PTPDC1: variants seen among roughly 807,000 people sequenced by gnomAD.
The protein encoded by PTPDC1 is protein tyrosine phosphatase domain-containing protein 1.
In PTPDC1, 53 loss-of-function variants were observed where a neutral mutation model predicts 75.3. That is an observed-to-expected ratio of 0.70 (90% CI 0.56 to 0.88). The LOEUF (loss-of-function observed/expected upper bound fraction) is 0.88, where lower values mean the gene tolerates loss of function less well. Ranked by LOEUF, PTPDC1 falls within the 40% of genes least tolerant of loss-of-function variation. The pLI, the probability that PTPDC1 is intolerant of heterozygous loss-of-function variation, is 0.00. For missense variants in PTPDC1, 925 were observed against 998.6 expected, an observed-to-expected ratio of 0.93 and a Z score of 0.99; for synonymous variants, 349 against 366.2, an observed-to-expected ratio of 0.95 and a Z score of 0.54.
Position 94,076,146 on chromosome 9 carries a change from G to A in PTPDC1, c.83-9105G>A, listed in dbSNP as rs1403906108. On this transcript the variant is annotated intron_variant, in intron 2 of 9. Coordinates refer to the PTPDC1 transcript ENST00000375360. Reference sequence around the variant, plus strand: ...CTCTCAAGTAGCTGGGATTACAAGCGCATGCTACCGCACCCAGCTAATTTT... The same window carrying A: ...CTCTCAAGTAGCTGGGATTACAAGCACATGCTACCGCACCCAGCTAATTTT... Among the ~76,000 whole-genome samples the A allele has an allele frequency of 4.6e-5, 7 of 152,122 alleles. No individual in the cohort carries two copies. The East Asian group carries it at 9.6e-4, about 21-fold the overall frequency.
chr9:94,061,343 A>C (rs1405000287), intron 1 of PTPDC1, among the ~76,000 whole-genome samples: 1 of 152,166 alleles, frequency 6.6e-6, no homozygotes, highest in Admixed American at 6.5e-5. Flanking sequence ...TTGAGTGCCT[A>C]TGGCTTTTCC....
At chr9:94,033,502 C>A (rs572651630) in intron 1 of PTPDC1, among the ~76,000 whole-genome samples, 1 of 152,228 alleles carries the variant, frequency 6.6e-6, no homozygotes, top group African/African-American at 2.4e-5. Context: ...CCAGTACTTT[C>A]TAGTTATGTG....
chr9:94,085,067 C>T (rs1352681578), intron 1 of PTPDC1, among the ~76,000 whole-genome samples, 184 bp from the exon 2 acceptor site: 2 of 152,074 alleles, frequency 1.3e-5, no homozygotes, highest in African/African-American at 2.4e-5. Context: ...TATGTGAAAG[C>T]TTTTTTACAT....
intron 2 of PTPDC1, among the ~76,000 whole-genome samples, chr9:94,075,205 T>A (rs78155627): frequency 6.6e-6 from 1 of 152,196 alleles, no homozygotes; most frequent in Middle Eastern, 3.4e-3. Context: ...CTTCTTCCAA[T>A]TGGGGTATGG....
intron 2 of PTPDC1, among the ~76,000 whole-genome samples, chr9:94,069,974 G>A (rs571558394): frequency 2.6e-5 from 4 of 151,886 alleles, no homozygotes; most frequent in African/African-American, 9.7e-5. Context: ...ACAGGCGCCC[G>A]CCACCACGCC....
chr9:94,080,994 C>CTTTTTTTTTTTTT (rs61391032), upstream of PTPDC1, among the ~76,000 whole-genome samples: 2 of 117,902 alleles, frequency 1.7e-5, no homozygotes, highest in African/African-American at 3.0e-5. Context: ...TTTTCTTTTT[C>CTTTTTTTTTTTTT]TTTTTTTTTT....
chr9:94,039,064 A>G (rs1825354813), intron 1 of PTPDC1, among the ~76,000 whole-genome samples: 1 of 152,226 alleles, frequency 6.6e-6, no homozygotes, highest in African/African-American at 2.4e-5. Context: ...GTCTTTAAAG[A>G]GCCATTCAGA....
At chr9:94,078,606 A>G (rs1449783967) in intron 2 of PTPDC1, among the ~76,000 whole-genome samples, 2 of 152,172 alleles carry the variant, frequency 1.3e-5, no homozygotes, top group Non-Finnish European at 2.9e-5. Context: ...ATAGTAGGGT[A>G]TATGTTGGTT....
chr9:94,106,441 G>A (rs1206984640), intron 8 of PTPDC1, among the ~76,000 whole-genome samples: 2 of 152,198 alleles, frequency 1.3e-5, no homozygotes, highest in African/African-American at 4.8e-5. Flanking sequence ...CTAAGCTTGG[G>A]GCTCCTCAGC....
intron 2 of PTPDC1, among the ~76,000 whole-genome samples, chr9:94,074,848 C>T (rs1826632311): frequency 6.6e-6 from 1 of 152,188 alleles, no homozygotes; most frequent in South Asian, 2.1e-4. Context: ...TTTGTCTCCC[C>T]ACTGGGCCTC....
At chr9:94,052,478 G>A (rs551753106) in intron 1 of PTPDC1, among the ~76,000 whole-genome samples, 1 of 152,070 alleles carries the variant, frequency 6.6e-6, no homozygotes, top group African/African-American at 2.4e-5. Context: ...AGTTGATAGT[G>A]CTGTTCAAGT....
chr9:94,088,820 A>G (rs911831791), intron 4 of PTPDC1, among the ~76,000 whole-genome samples: 7 of 152,314 alleles, frequency 4.6e-5, no homozygotes, highest in South Asian at 2.1e-4. Flanking sequence ...AGGATAAACA[A>G]TCTTGGAACT....
In PTPDC1 at chr9:94,089,082, A is replaced by G. The variant is rs1827183446; in HGVS notation, c.616+819A>G. Among the ~76,000 whole-genome samples the G allele has an allele frequency of 3.4e-5, 5 of 145,624 alleles. No homozygotes were observed. In the South Asian group the frequency reaches 1.1e-3, roughly 32 times the overall value. ...TACATTTTTATTTTATTTTTTTTTA[A>G]TTTTTTTTTATTATACTTTAAGTTT... On this transcript the variant is annotated intron_variant, in intron 4 of 8. Coordinates refer to ENST00000620992, the MANE Select transcript of PTPDC1 (RefSeq NM_001253829.2).
At chr9:94,040,303 G>C (rs1171632276) in intron 1 of PTPDC1, among the ~76,000 whole-genome samples, 1 of 152,072 alleles carries the variant, frequency 6.6e-6, no homozygotes, top group East Asian at 1.9e-4. Flanking sequence ...CAAAACAATG[G>C]CCTCCCATAA....
At chr9:94,056,419 G>A (rs554367656) in intron 1 of PTPDC1, among the ~76,000 whole-genome samples, 1 of 152,282 alleles carries the variant, frequency 6.6e-6, no homozygotes, top group South Asian at 2.1e-4. Flanking sequence ...TTAAGTGTGA[G>A]CAGAGGGCCT....
In PTPDC1 at chr9:94,085,422, G is replaced by A. The variant is rs1827038541; in HGVS notation, c.416G>A (p.Trp139Ter). ...EQAIKGVYSS[W>*]VTDNILAMAR... The stretch of plus-strand genomic sequence containing the variant: ...GCCATTAAGGGGGTTTACTCATCCT[G>A]GTGAGTGATCCTGTTGGTCTTTCAT... Residue 139 changes from tryptophan to a stop codon, truncating the protein, a stop_gained and splice_region_variant, in exon 2 of 9, where the codon TGG becomes TAG. Transcript: ENST00000620992. LOFTEE classifies it high-confidence loss of function. 6.2e-7 allele frequency: 1 copy of A among 1,613,942 alleles called. No individual in the cohort carries two copies. Among genetic ancestry groups the A allele is most frequent in the South Asian group, 1.1e-5 (1 of 91,056 alleles).
At chr9:94,034,481 G>A (rs752999304) in intron 1 of PTPDC1, among the ~76,000 whole-genome samples, 14 of 152,216 alleles carry the variant, frequency 9.2e-5, no homozygotes, top group East Asian at 5.8e-4. Context: ...GCAGTGAGCC[G>A]AGATCATGCC....
chr9:94,053,985 C>T (rs1300987545), intron 1 of PTPDC1, among the ~76,000 whole-genome samples: 4 of 152,154 alleles, frequency 2.6e-5, no homozygotes, highest in African/African-American at 9.7e-5. Context: ...TGGCAGCTGC[C>T]TTTTATTGAA....
chr9:94,042,686 T>C lies in PTPDC1; in HGVS notation c.-7+11559T>C, dbSNP rs1012675117. On this transcript the variant is annotated intron_variant, in intron 1 of 9. Transcript: ENST00000375360. Reference sequence around the variant, plus strand: ...GAAAGCTGGGGTGGCTGTGACTGTTTCTTAAAATAACAATGACGTTTACTG... The same window carrying C: ...GAAAGCTGGGGTGGCTGTGACTGTTCCTTAAAATAACAATGACGTTTACTG... Among the ~76,000 whole-genome samples, 3 of 152,170 alleles carry C rather than the reference T, an allele frequency of 2.0e-5. No homozygotes were observed. In the South Asian group the frequency reaches 6.2e-4, roughly 32 times the overall value.
Sources: gnomAD v4.1 joint callset for allele counts (sites outside exome capture counted in the v4.1 genomes callset) on GRCh38, gnomAD v4.1.1 for gene constraint, MANE v1.5 for transcripts, NCBI Gene and HGNC (gene_info 2026-07-23, HGNC 2026-07-21) for gene names.